Variants in GRXCR2 observed in about 807,000 individuals in gnomAD.
The protein encoded by GRXCR2 is glutaredoxin domain-containing cysteine-rich protein 2.
In GRXCR2, 23 loss-of-function variants were observed where a neutral mutation model predicts 24.8. The ratio of observed to expected loss-of-function variants is 0.93; its 90% confidence interval spans 0.67 to 1.32. The LOEUF (loss-of-function observed/expected upper bound fraction) is 1.32, where lower values mean the gene tolerates loss of function less well. Ranked by LOEUF, GRXCR2 falls within the 40% of genes most tolerant of loss-of-function variation. GRXCR2 has a pLI of 0.00. For missense variants in GRXCR2, 315 were observed against 303.4 expected (o/e 1.04, Z -0.28); for synonymous variants, 130 against 116.1 (o/e 1.12, Z -0.77).
intron 2 of GRXCR2, among the ~76,000 whole-genome samples, chr5:145,916,882 C>A (rs931329380): frequency 6.6e-6 from 1 of 152,082 alleles, no homozygotes; most frequent in Non-Finnish European, 1.5e-5. Context: ...CTGTCATCAC[C>A]TTTTTTGTCA....
chr5:145,881,025 T>C (rs1396726976), intron 2 of GRXCR2, among the ~76,000 whole-genome samples: 7 of 152,246 alleles, frequency 4.6e-5, no homozygotes, highest in African/African-American at 9.6e-5. Context: ...GGATTGAATG[T>C]ATCTCAAAAT....
At chr5:145,873,262 G>A (rs1034829127), upstream of GRXCR2, among the ~76,000 whole-genome samples, 1 of 152,160 alleles carries the variant, frequency 6.6e-6, no homozygotes, top group Admixed American at 6.5e-5. Flanking sequence ...CTTAACCTGA[G>A]GATGAAGAAG....
chr5:145,873,108 A>G (rs1756561735), upstream of GRXCR2: 3 of 650,636 alleles, frequency 4.6e-6, no homozygotes, highest in African/African-American at 3.7e-5. Context: ...AGTTTACAGC[A>G]ACTGACACCC....
chr5:145,916,647 A>G (rs1757245328), intron 2 of GRXCR2, among the ~76,000 whole-genome samples: 1 of 152,214 alleles, frequency 6.6e-6, no homozygotes, highest in South Asian at 2.1e-4. Flanking sequence ...TCAACCTTAT[A>G]CTTTTCAAAG....
rs754412274 is a variant in GRXCR2, at chr5:145,872,774, A to G, written c.195T>C (p.Tyr65=). The change falls in exon 1 of 3, where the codon TAT becomes TAC. Residue 65 remains tyrosine (Y), a synonymous_variant. Transcript: ENST00000377976. ...QESLETMDGV[Y]GSGEVPRPQM... ...GGGGCCTGGGGACTTCCCCAGACCC[A>G]TAAACACCATCCATTGTTTCAAGAG... The G allele has an allele frequency of 3.1e-6, 5 of 1,614,230 alleles. No homozygotes were observed. The highest frequency in any genetic ancestry group is 4.2e-6 in the Non-Finnish European group (5 of 1,180,028).
intron 1 of GRXCR2, among the ~76,000 whole-genome samples, chr5:145,872,111 C>A (rs1561678097): frequency 6.6e-6 from 1 of 152,150 alleles, no homozygotes; most frequent in African/African-American, 2.4e-5. Flanking sequence ...TCCCAGGACT[C>A]CAACTACCCA....
chr5:145,905,526 G>A (rs13182269), intron 2 of GRXCR2, among the ~76,000 whole-genome samples: 3,276 of 152,140 alleles, frequency 0.022, 45 homozygotes, highest in Middle Eastern at 0.051. Flanking sequence ...AGCCCTCAAA[G>A]AATTTAGAGT....
At chr5:145,928,561 T>C (rs1160521911) in intron 2 of GRXCR2, among the ~76,000 whole-genome samples, 2 of 152,144 alleles carry the variant, frequency 1.3e-5, no homozygotes, top group African/African-American at 2.4e-5. Context: ...CACTGTGGAA[T>C]ACTATGCAGC....
At position 145,859,016 on chromosome 5, in the gene GRXCR2, A is replaced by G. The variant is rs1756285559; in HGVS notation, c.*717T>C. ...ATCATACACACATATTTGAGCACCAAATTTATCATAAATAACTTTGACTTG... is the reference window on the plus strand; with the variant it reads ...ATCATACACACATATTTGAGCACCAGATTTATCATAAATAACTTTGACTTG... On this transcript the variant is annotated 3_prime_UTR_variant, in exon 3 of 3. Coordinates refer to ENST00000377976, the MANE Select transcript of GRXCR2 (RefSeq NM_001080516.2). 6.6e-6 allele frequency: 1 copy of G among 152,260 alleles called. No homozygotes were observed. Among genetic ancestry groups the G allele is most frequent in the Non-Finnish European group, 1.5e-5 (1 of 68,066 alleles). 9.4% of individuals were successfully genotyped at this position (152,260 alleles called of 1,614,324 possible). A position where few individuals can be genotyped will look rare whatever the true frequency, so the allele number is the denominator to read the frequency against.
chr5:145,896,562 G>A (rs1561685281), intron 2 of GRXCR2, among the ~76,000 whole-genome samples: 1 of 152,196 alleles, frequency 6.6e-6, no homozygotes, highest in Non-Finnish European at 1.5e-5. Context: ...TCAGAGAAAT[G>A]CAAATCAAAA....
At chr5:145,913,554 A>G (rs1757194681) in intron 2 of GRXCR2, among the ~76,000 whole-genome samples, 1 of 152,230 alleles carries the variant, frequency 6.6e-6, no homozygotes. Context: ...GGATAAATTT[A>G]GCTTTATGAA....
At chr5:145,931,159 G>C (rs1478896228) in intron 2 of GRXCR2, among the ~76,000 whole-genome samples, 1 of 152,138 alleles carries the variant, frequency 6.6e-6, no homozygotes, top group Non-Finnish European at 1.5e-5. Flanking sequence ...AGCCTCCCTA[G>C]TAGCTGGGAC....
intron 2 of GRXCR2, among the ~76,000 whole-genome samples, chr5:145,900,272 C>A (rs563014202): frequency 1.5e-3 from 222 of 152,110 alleles, no homozygotes; most frequent in African/African-American, 5.2e-3. Flanking sequence ...TGTAGCACTT[C>A]CCCCTTCACT....
chr5:145,880,354 T>A (rs1756681335), intron 2 of GRXCR2, among the ~76,000 whole-genome samples: 1 of 152,036 alleles, frequency 6.6e-6, no homozygotes, highest in East Asian at 1.9e-4. Flanking sequence ...TAAAAAATGA[T>A]AAAAGGGATG....
intron 2 of GRXCR2, among the ~76,000 whole-genome samples, chr5:145,930,779 A>G (rs1554107467): frequency 6.6e-6 from 1 of 152,206 alleles, no homozygotes; most frequent in Non-Finnish European, 1.5e-5. Flanking sequence ...TATGAGATCT[A>G]CTTACAGAAA....
chr5:145,863,934 C>T (rs1581328942), intron 2 of GRXCR2, among the ~76,000 whole-genome samples: 1 of 152,314 alleles, frequency 6.6e-6, no homozygotes, highest in South Asian at 2.1e-4. Context: ...ATATGCCAGG[C>T]TGTATTTTTC....
chr5:145,885,323 G>T (rs866328369), intron 2 of GRXCR2, among the ~76,000 whole-genome samples: 1 of 152,026 alleles, frequency 6.6e-6, no homozygotes, highest in Non-Finnish European at 1.5e-5. Context: ...AAATTTCTAG[G>T]GCAACGTTTC....
intron 1 of GRXCR2, 96 bp downstream of exon 1, chr5:145,872,537 G>T: frequency 9.9e-7 from 1 of 1,014,544 alleles, no homozygotes; most frequent in Non-Finnish European, 1.4e-6. Flanking sequence ...GTACCGGAGG[G>T]GGAGCAAGAC....
In GRXCR2 at chr5:145,872,995, C is replaced by T. The variant is rs1756560189; in HGVS notation, c.-27G>A. The T allele has an allele frequency of 6.3e-7, 1 of 1,599,490 alleles. No individual in the cohort carries two copies. Among genetic ancestry groups the T allele is most frequent in the Non-Finnish European group, 8.6e-7 (1 of 1,168,270 alleles). On this transcript the variant is annotated 5_prime_UTR_variant, in exon 1 of 3. Coordinates refer to ENST00000377976, the MANE Select transcript of GRXCR2 (RefSeq NM_001080516.2). ...AGCAGAAAGTTGACCCTGTGGTCTCCAGCCTTCCGTGCAGCCGGTGAAACT... is the reference window on the plus strand; with the variant it reads ...AGCAGAAAGTTGACCCTGTGGTCTCTAGCCTTCCGTGCAGCCGGTGAAACT...
Sources: gnomAD v4.1 joint callset for allele counts (sites outside exome capture counted in the v4.1 genomes callset) on GRCh38, gnomAD v4.1.1 for gene constraint, MANE v1.5 for transcripts, NCBI Gene and HGNC (gene_info 2026-07-23, HGNC 2026-07-21) for gene names.